The following TBC1D5 variants were observed in gnomAD, a reference collection of about 807,000 sequenced individuals.
TBC1D5 encodes TBC1 domain family, member 5.
In TBC1D5, 75 loss-of-function variants were observed where a neutral mutation model predicts 100.3. The ratio of observed to expected loss-of-function variants is 0.75; its 90% confidence interval spans 0.62 to 0.91. TBC1D5 has a LOEUF of 0.91. TBC1D5 is among the 40% of genes least tolerant of loss of function. TBC1D5 has a pLI of 0.00. For missense variants in TBC1D5, 910 were observed against 942.4 expected (o/e 0.97, Z 0.45); for synonymous variants, 323 against 325.6 (o/e 0.99, Z 0.09).
At chr3:17,652,714 A>AAAGG (rs1232105132) in intron 1 of TBC1D5, among the ~76,000 whole-genome samples, 2 of 152,228 alleles carry the variant, frequency 1.3e-5, no homozygotes, top group African/African-American at 4.8e-5. Flanking sequence ...ATCTACAAAG[A>AAAGG]ATATTTCTGC....
intron 1 of TBC1D5, among the ~76,000 whole-genome samples, chr3:17,695,793 AC>A (rs1005947624): frequency 1.3e-5 from 2 of 152,220 alleles, no homozygotes; most frequent in African/African-American, 4.8e-5. Context: ...AACAGAACAT[AC>A]ATTCTTCTCA....
At chr3:17,580,979 C>T (rs1402013224) in intron 2 of TBC1D5, among the ~76,000 whole-genome samples, 2 of 152,182 alleles carry the variant, frequency 1.3e-5, no homozygotes, top group African/African-American at 2.4e-5. Context: ...TTTGGCTGTG[C>T]CCCCACCTAA....
At chr3:17,178,862 C>T (rs994684480) in intron 19 of TBC1D5, among the ~76,000 whole-genome samples, 14 of 151,668 alleles carry the variant, frequency 9.2e-5, no homozygotes, top group Admixed American at 6.6e-5. Flanking sequence ...CTAGACTGGT[C>T]TTGAACTCCT....
At chr3:17,532,322 A>G (rs2096237679) in intron 2 of TBC1D5, among the ~76,000 whole-genome samples, 1 of 152,258 alleles carries the variant, frequency 6.6e-6, no homozygotes, top group African/African-American at 2.4e-5. Context: ...AGATCATTAA[A>G]AAGTCAGGAA....
chr3:17,733,563 A>AT (rs1485565990), intron 1 of TBC1D5, among the ~76,000 whole-genome samples: 2 of 152,220 alleles, frequency 1.3e-5, no homozygotes, highest in Non-Finnish European at 2.9e-5. Flanking sequence ...ATCTTTTGAC[A>AT]TAAAAGTAGA....
chr3:17,187,170 C>T (rs1407839041), intron 18 of TBC1D5, among the ~76,000 whole-genome samples: 1 of 152,194 alleles, frequency 6.6e-6, no homozygotes, highest in East Asian at 1.9e-4. Flanking sequence ...TTTCTTCCCT[C>T]CCTGACTCTG....
chr3:17,522,896 C>T (rs1178766116), intron 2 of TBC1D5, among the ~76,000 whole-genome samples: 1 of 152,124 alleles, frequency 6.6e-6, no homozygotes, highest in Non-Finnish European at 1.5e-5. Flanking sequence ...GTGTAAACTT[C>T]AGTAAACAAT....
chr3:17,336,112 ATT>A (rs1334683267), intron 13 of TBC1D5, among the ~76,000 whole-genome samples: 49 of 152,256 alleles, frequency 3.2e-4, no homozygotes, highest in African/African-American at 1.2e-3. Context: ...AAACAATAAC[ATT>A]AAAATTTTAT....
intron 13 of TBC1D5, among the ~76,000 whole-genome samples, chr3:17,319,874 GAAAAAGAAGAAAAAA>G (rs2085175651): frequency 1.3e-5 from 2 of 151,292 alleles, no homozygotes; most frequent in African/African-American, 2.4e-5. Flanking sequence ...TGTCTCAAAA[GAAAAAGAAGAAAAAA>G]AGCATAAACA....
chr3:17,568,410 A>T (rs1347822437), intron 2 of TBC1D5, among the ~76,000 whole-genome samples: 1 of 151,508 alleles, frequency 6.6e-6, no homozygotes, highest in African/African-American at 2.4e-5. Context: ...TTGTTTATAT[A>T]TTAAATATTA....
intron 2 of TBC1D5, among the ~76,000 whole-genome samples, chr3:17,608,545 A>T (rs999179147): frequency 6.6e-6 from 1 of 152,152 alleles, no homozygotes; most frequent in African/African-American, 2.4e-5. Context: ...AATATCCATG[A>T]TTATTCCTTT....
intron 3 of TBC1D5, among the ~76,000 whole-genome samples, chr3:17,440,691 G>C (rs946357866): frequency 6.6e-5 from 10 of 152,028 alleles, no homozygotes; most frequent in African/African-American, 2.4e-4. Flanking sequence ...ACCCAGGCTG[G>C]AGTGCAGTGG....
At chr3:17,347,803 A>C (rs2090091881) in intron 13 of TBC1D5, among the ~76,000 whole-genome samples, 1 of 152,198 alleles carries the variant, frequency 6.6e-6, no homozygotes, top group African/African-American at 2.4e-5. Flanking sequence ...GCTTGAGATC[A>C]GCCTGGGCAA....
intron 13 of TBC1D5, among the ~76,000 whole-genome samples, chr3:17,310,467 C>T (rs1322842456): frequency 2.6e-5 from 4 of 151,938 alleles, no homozygotes; most frequent in Non-Finnish European, 5.9e-5. Context: ...GGACCAAATC[C>T]TGTGTGTGTG....
At chr3:17,201,937 C>A (rs1575921288) in intron 18 of TBC1D5, among the ~76,000 whole-genome samples, 1 of 152,270 alleles carries the variant, frequency 6.6e-6, no homozygotes, top group East Asian at 1.9e-4. Flanking sequence ...AGTGTGGCAG[C>A]ATTGCTACAA....
chr3:17,251,713 G>A (rs573502079), intron 16 of TBC1D5, among the ~76,000 whole-genome samples: 1 of 152,102 alleles, frequency 6.6e-6, no homozygotes, highest in Non-Finnish European at 1.5e-5. Flanking sequence ...TTTCCATTAC[G>A]TGTATGGATA....
chr3:17,201,050 A>G (rs1335407227), intron 18 of TBC1D5, among the ~76,000 whole-genome samples: 1 of 152,160 alleles, frequency 6.6e-6, no homozygotes, highest in Non-Finnish European at 1.5e-5. Flanking sequence ...TTAGTTCTTC[A>G]TGTTACTGCT....
intron 14 of TBC1D5, among the ~76,000 whole-genome samples, chr3:17,292,842 T>C (rs767898642): frequency 6.6e-6 from 1 of 152,312 alleles, no homozygotes; most frequent in Non-Finnish European, 1.5e-5. Context: ...GCAAGTGAAG[T>C]TTTTTCACTA....
intron 1 of TBC1D5, among the ~76,000 whole-genome samples, chr3:17,657,510 G>A (rs1196130567): frequency 1.3e-5 from 2 of 151,760 alleles, no homozygotes; most frequent in African/African-American, 4.8e-5. Flanking sequence ...CTAATTTTTT[G>A]TATTTTAGTA....
Sources: gnomAD v4.1 joint callset for allele counts (sites outside exome capture counted in the v4.1 genomes callset) on GRCh38, gnomAD v4.1.1 for gene constraint, MANE v1.5 for transcripts, NCBI Gene and HGNC (gene_info 2026-07-23, HGNC 2026-07-21) for gene names.